The following TPD52 variants were observed in gnomAD, a reference collection of about 807,000 sequenced individuals.
TPD52 encodes prostate and colon associated protein.
In TPD52, 17 loss-of-function variants were observed where a neutral mutation model predicts 31.3. The observed-to-expected ratio is 0.54, with a 90% CI of 0.37 to 0.82. The LOEUF (loss-of-function observed/expected upper bound fraction) is 0.82, where lower values mean the gene tolerates loss of function less well. Ranked by LOEUF, TPD52 falls within the 40% of genes least tolerant of loss-of-function variation. TPD52 has a pLI of 0.00. For missense variants in TPD52, 212 were observed against 240.1 expected, an observed-to-expected ratio of 0.88 and a Z score of 0.77; for synonymous variants, 83 against 89.6, an observed-to-expected ratio of 0.93 and a Z score of 0.42.
intron 1 of TPD52, among the ~76,000 whole-genome samples, chr8:80,103,978 G>T (rs1806922088): frequency 1.3e-5 from 2 of 152,178 alleles, no homozygotes; most frequent in Admixed American, 1.3e-4. Context: ...CAAAAGCTAG[G>T]CAGTGAACCA....
intron 1 of TPD52, among the ~76,000 whole-genome samples, chr8:80,144,266 A>G (rs1810040930): frequency 6.6e-6 from 1 of 152,212 alleles, no homozygotes; most frequent in African/African-American, 2.4e-5. Context: ...ACATCTTAAT[A>G]TTACCAACAT....
chr8:80,138,051 C>CT (rs1809560332), intron 1 of TPD52, among the ~76,000 whole-genome samples: 1 of 152,080 alleles, frequency 6.6e-6, no homozygotes, highest in Non-Finnish European at 1.5e-5. Flanking sequence ...TCAAGCAATT[C>CT]TCCTGCCTCA....
intron 1 of TPD52, among the ~76,000 whole-genome samples, chr8:80,120,463 A>G (rs1415103705): frequency 6.6e-6 from 1 of 152,172 alleles, no homozygotes; most frequent in African/African-American, 2.4e-5. Flanking sequence ...CCTGAGCGAC[A>G]GAGCAAGACT....
downstream of TPD52, among the ~76,000 whole-genome samples, chr8:80,032,152 C>CAAAAAAAA (rs150988844): frequency 1.8e-5 from 1 of 56,534 alleles, no homozygotes; most frequent in Non-Finnish European, 4.9e-5. Flanking sequence ...GACTCCAGCT[C>CAAAAAAAA]AAAAAAAAAA....
chr8:80,155,721 T>C (rs1702254722), intron 1 of TPD52, among the ~76,000 whole-genome samples: 1 of 151,862 alleles, frequency 6.6e-6, no homozygotes, highest in African/African-American at 2.4e-5. Flanking sequence ...CTGTCTCTAC[T>C]AAAAATACAA....
At chr8:80,061,385 C>CCCA (rs1484546324) in intron 2 of TPD52, among the ~76,000 whole-genome samples, 181 of 102,076 alleles carry the variant, frequency 1.8e-3, no homozygotes, top group Non-Finnish European at 2.3e-3. Flanking sequence ...CCGCCCCCCC[C>CCCA]AAAAAAAAAA....
chr8:80,171,051 T>C, intron 1 of TPD52: 1 of 523,810 alleles, frequency 1.9e-6, no homozygotes, highest in Non-Finnish European at 3.5e-6. Flanking sequence ...CACTGTCCTC[T>C]GTTCCTGGTT....
chr8:80,083,054 G>A (rs1815445044), intron 1 of TPD52, among the ~76,000 whole-genome samples: 1 of 152,152 alleles, frequency 6.6e-6, no homozygotes, highest in Non-Finnish European at 1.5e-5. Context: ...CATGGGATGG[G>A]TTAATGGAAT....
chr8:80,158,174 C>T (rs909782220), intron 1 of TPD52, among the ~76,000 whole-genome samples: 2 of 151,622 alleles, frequency 1.3e-5, no homozygotes, highest in Non-Finnish European at 3.0e-5. Flanking sequence ...AGCAGTTTCC[C>T]TTTCCGGTTG....
chr8:80,156,829 TGA>T (rs1027166697), intron 1 of TPD52, among the ~76,000 whole-genome samples: 9 of 151,894 alleles, frequency 5.9e-5, no homozygotes, highest in Non-Finnish European at 1.2e-4. Context: ...TGGATAATGC[TGA>T]GAGATTTGGG....
At position 80,171,381 on chromosome 8, in the gene TPD52, CG is replaced by C. The variant is rs772479302; in HGVS notation, c.19+43del. On this transcript the variant is annotated intron_variant, in intron 1 of 7. Coordinates refer to ENST00000518937, the MANE Select transcript of TPD52 (RefSeq NM_001025253.3). The stretch of plus-strand genomic sequence containing the variant: ...CCGAGCCAAAGCCCGAGTCCAAGCC[CG>C]AGTCCAAGCCCGAGCCCAAGCCCGC... 5.1e-6 allele frequency: 8 copies of C among 1,584,032 alleles called. No homozygotes were observed. The African/African-American group carries it at 1.0e-4, about 20-fold the overall frequency.
At chr8:80,056,618 T>C (rs1215588663) in intron 2 of TPD52, among the ~76,000 whole-genome samples, 1 of 152,102 alleles carries the variant, frequency 6.6e-6, no homozygotes, top group Non-Finnish European at 1.5e-5. Flanking sequence ...CACCATTCAT[T>C]AGTAATTTGA....
intron 1 of TPD52, among the ~76,000 whole-genome samples, chr8:80,121,355 C>A (rs570235010): frequency 1.3e-5 from 2 of 152,208 alleles, no homozygotes; most frequent in South Asian, 4.2e-4. Context: ...GTGACAAGAC[C>A]CTTCTCCGTG....
chr8:80,169,385 A>C (rs1370021765), intron 1 of TPD52, among the ~76,000 whole-genome samples: 1 of 152,204 alleles, frequency 6.6e-6, no homozygotes, highest in African/African-American at 2.4e-5. Context: ...ACCTCACCCA[A>C]AGAACATATG....
At chr8:80,041,705 A>G (rs1048117382) in intron 7 of TPD52, among the ~76,000 whole-genome samples, 1 of 152,042 alleles carries the variant, frequency 6.6e-6, no homozygotes, top group African/African-American at 2.4e-5. Flanking sequence ...AAATCAAAAA[A>G]TAAAAACAGT....
chr8:80,075,205 C>T (rs1226611402), intron 1 of TPD52, among the ~76,000 whole-genome samples: 1 of 152,068 alleles, frequency 6.6e-6, no homozygotes, highest in East Asian at 1.9e-4. Context: ...TCTCAATCTC[C>T]TGACCTCATG....
In TPD52 at chr8:80,099,018, ATTTTG is replaced by A. The variant is rs948222775; in HGVS notation, c.20-34430_20-34426del. ...ATTTTTAAACTGAGGTAAGTGCACA[ATTTTG>A]TTTTGTTTTGTTTTGTTTTGGGGGC... On this transcript the variant is annotated intron_variant, in intron 1 of 7. Transcript: ENST00000518937. Among the ~76,000 whole-genome samples, 122 of 152,216 alleles carry A rather than the reference ATTTTG, an allele frequency of 8.0e-4. 2 individuals are homozygous for A. The highest frequency in any genetic ancestry group is 1.9e-3 in the African/African-American group (79 of 41,508).
At chr8:80,042,416 G>T (rs1397859266) in intron 7 of TPD52, 1 of 985,270 alleles carries the variant, frequency 1.0e-6, no homozygotes, top group Non-Finnish European at 1.2e-6. Flanking sequence ...TCAGCATGTG[G>T]CATGCTGCCA....
chr8:80,134,399 C>T, intron 1 of TPD52, among the ~76,000 whole-genome samples: 1 of 152,190 alleles, frequency 6.6e-6, no homozygotes. Flanking sequence ...TGTCTTAATG[C>T]TCATCATCTC....
Sources: allele counts gnomAD v4.1 joint callset (sites outside exome capture counted in the v4.1 genomes callset), GRCh38; gene constraint gnomAD v4.1.1; transcripts MANE v1.5; gene names NCBI Gene and HGNC (gene_info 2026-07-23, HGNC 2026-07-21).